The following PRKCE variants were observed in gnomAD, a reference collection of about 807,000 sequenced individuals.
The protein encoded by PRKCE is protein kinase C epsilon type.
Under a neutral mutation model 85.4 loss-of-function variants are expected in PRKCE, and 16 were observed. The ratio of observed to expected loss-of-function variants is 0.19; its 90% CI spans 0.13 to 0.28. The LOEUF (loss-of-function observed/expected upper bound fraction) is 0.28, where lower values mean the gene tolerates loss of function less well. Among genes scored for constraint, PRKCE ranks in the 10% least tolerant of loss-of-function variants. The pLI is 1.00. For synonymous variants in PRKCE, 388 were observed against 371.5 expected, an observed-to-expected ratio of 1.04 and a Z score of -0.51; for missense variants, 573 against 975.2, an observed-to-expected ratio of 0.59 and a Z score of 5.49.
At chr2:45,832,288 C>A (rs920953312) in intron 1 of PRKCE, among the ~76,000 whole-genome samples, 6 of 150,100 alleles carry the variant, frequency 4.0e-5, no homozygotes, top group Admixed American at 4.0e-4. Context: ...GCATTACTCT[C>A]ATTGCTCTTG....
chr2:46,054,127 G>C (rs1666336042), intron 10 of PRKCE, among the ~76,000 whole-genome samples: 1 of 152,202 alleles, frequency 6.6e-6, no homozygotes, highest in Non-Finnish European at 1.5e-5. Flanking sequence ...ATAGCAGGCT[G>C]TGTCCCTGGC....
chr2:46,019,582 A>G (rs1195132515), intron 10 of PRKCE, among the ~76,000 whole-genome samples: 1 of 152,218 alleles, frequency 6.6e-6, no homozygotes, highest in Non-Finnish European at 1.5e-5. Flanking sequence ...TGTTCTAAAT[A>G]ATTTTTCTTA....
chr2:46,066,742 G>A lies in PRKCE; in HGVS notation c.1438-19466G>A, dbSNP rs149862549. Among the ~76,000 whole-genome samples the A allele has an allele frequency of 5.3e-3, 810 of 152,302 alleles. 10 individuals carry two copies. Among genetic ancestry groups the A allele is most frequent in the African/African-American group, 0.018 (748 of 41,540 alleles). ...TAAGTACGTGGGAACTATGTCCTGG[G>A]CTTCACAGACAGGAGGAGAAGAGTT... On this transcript the variant is annotated intron_variant, in intron 10 of 14. Transcript: ENST00000306156.
chr2:45,721,825 T>C (rs1680645599), intron 1 of PRKCE, among the ~76,000 whole-genome samples: 1 of 151,042 alleles, frequency 6.6e-6, no homozygotes, highest in Non-Finnish European at 1.5e-5. Context: ...TGCAGTGAGC[T>C]ATGATCATGC....
At chr2:45,683,149 G>A (rs1358386108) in intron 1 of PRKCE, among the ~76,000 whole-genome samples, 1 of 152,184 alleles carries the variant, frequency 6.6e-6, no homozygotes, top group African/African-American at 2.4e-5. Context: ...TGGTTGAAAT[G>A]TTCAGTGGGG....
At chr2:46,136,477 A>G (rs983546950) in intron 11 of PRKCE, among the ~76,000 whole-genome samples, 2 of 152,190 alleles carry the variant, frequency 1.3e-5, no homozygotes, top group African/African-American at 4.8e-5. Context: ...GGTGCAGGGT[A>G]AAGAAAACAG....
intron 2 of PRKCE, among the ~76,000 whole-genome samples, chr2:45,846,760 T>G (rs761111245): frequency 6.6e-6 from 1 of 152,140 alleles, no homozygotes; most frequent in Non-Finnish European, 1.5e-5. Context: ...GTTTAGTAGC[T>G]TAGAGCCTCA....
In PRKCE at chr2:45,705,628, G is replaced by A. The variant is rs185057402; in HGVS notation, c.348+53180G>A. ...ATAAACCTCCACGCTTTGGCTTCTA[G>A]AGTGATGGGTGGGCTTGCTTTCCTT... is the stretch of plus-strand genomic sequence containing the variant. On this transcript the variant is annotated intron_variant, in intron 1 of 14. Coordinates refer to ENST00000306156, the MANE Select transcript of PRKCE (RefSeq NM_005400.3). 6.6e-5 allele frequency among the ~76,000 whole-genome samples: 10 copies of A among 152,346 alleles called. No individual in the cohort carries two copies. The East Asian group carries it at 1.9e-3, about 29-fold the overall frequency.
chr2:45,760,020 C>G (rs946309719), intron 1 of PRKCE, among the ~76,000 whole-genome samples: 11 of 152,306 alleles, frequency 7.2e-5, no homozygotes, highest in African/African-American at 2.6e-4. Flanking sequence ...CACGCAAAAG[C>G]AGATGCATTT....
intron 1 of PRKCE, among the ~76,000 whole-genome samples, chr2:45,723,794 A>G (rs1293972882): frequency 3.3e-5 from 5 of 152,054 alleles, no homozygotes; most frequent in Admixed American, 1.3e-4. Context: ...TAGTAGAGAT[A>G]GGGTTTCACC....
chr2:46,130,089 G>A (rs2104399316), intron 11 of PRKCE, among the ~76,000 whole-genome samples: 1 of 152,170 alleles, frequency 6.6e-6, no homozygotes, highest in South Asian at 2.1e-4. Context: ...GACAGATTTT[G>A]TTCTTGTGTA....
chr2:45,948,147 T>A (rs1194703909), intron 2 of PRKCE, among the ~76,000 whole-genome samples: 3 of 152,240 alleles, frequency 2.0e-5, no homozygotes, highest in Non-Finnish European at 4.4e-5. Context: ...TTAGTGTTCA[T>A]GTTACATCTT....
intron 10 of PRKCE, among the ~76,000 whole-genome samples, chr2:46,011,744 A>T (rs763377316): frequency 6.6e-6 from 1 of 152,076 alleles, no homozygotes; most frequent in Non-Finnish European, 1.5e-5. Context: ...AACTTATTTG[A>T]TCCCAGGGTC....
chr2:45,778,721 A>C (rs1558661551), intron 1 of PRKCE, among the ~76,000 whole-genome samples: 1 of 152,142 alleles, frequency 6.6e-6, no homozygotes, highest in Non-Finnish European at 1.5e-5. Flanking sequence ...ATTTCAGAGG[A>C]TGTATGTTCC....
intron 1 of PRKCE, among the ~76,000 whole-genome samples, chr2:45,755,300 G>A (rs1037606406): frequency 5.3e-5 from 8 of 152,184 alleles, no homozygotes; most frequent in African/African-American, 1.9e-4. Flanking sequence ...GTATACAGTG[G>A]CACTCAATAA....
At chr2:45,812,008 C>G (rs7593800) in intron 1 of PRKCE, among the ~76,000 whole-genome samples, 17 of 152,026 alleles carry the variant, frequency 1.1e-4, no homozygotes, top group African/African-American at 3.9e-4. Context: ...ACTCTTGGCA[C>G]TGTCTGTAGT....
chr2:45,890,969 G>A (rs1314095161), intron 2 of PRKCE, among the ~76,000 whole-genome samples: 2 of 152,220 alleles, frequency 1.3e-5, no homozygotes, highest in Non-Finnish European at 1.5e-5. Flanking sequence ...TAAGTTAGGT[G>A]CTCAATGAAG....
chr2:45,973,316 C>T (rs930332881), intron 2 of PRKCE, among the ~76,000 whole-genome samples: 5 of 152,190 alleles, frequency 3.3e-5, no homozygotes, highest in Non-Finnish European at 5.9e-5. Flanking sequence ...GGCTTTCCTG[C>T]CCAGAGGAAT....
intron 1 of PRKCE, among the ~76,000 whole-genome samples, chr2:45,802,271 G>A (rs1335899967): frequency 2.0e-5 from 3 of 151,970 alleles, no homozygotes; most frequent in Non-Finnish European, 4.4e-5. Flanking sequence ...TCATACATGA[G>A]TAAATAAATA....
Sources: gnomAD v4.1 joint callset for allele counts (sites outside exome capture counted in the v4.1 genomes callset) on GRCh38, gnomAD v4.1.1 for gene constraint, MANE v1.5 for transcripts, NCBI Gene and HGNC (gene_info 2026-07-23, HGNC 2026-07-21) for gene names.